The following SUGCT variants were observed in gnomAD, a reference collection of about 807,000 sequenced individuals.
The protein encoded by SUGCT is succinyl-CoA:glutarate-CoA transferase.
Under a neutral mutation model 55.0 loss-of-function variants are expected in SUGCT, and 41 were observed. That is an observed-to-expected ratio of 0.74 (90% CI 0.58 to 0.97). The LOEUF (loss-of-function observed/expected upper bound fraction) is 0.97, where lower values mean the gene tolerates loss of function less well. Among genes scored for constraint, SUGCT ranks in the 50% least tolerant of loss-of-function variants. SUGCT has a pLI of 0.00. For synonymous variants in SUGCT, 187 were observed against 200.4 expected, an observed-to-expected ratio of 0.93 and a Z score of 0.56; for missense variants, 568 against 547.8, an observed-to-expected ratio of 1.04 and a Z score of -0.37.
intron 12 of SUGCT, among the ~76,000 whole-genome samples, chr7:40,679,167 C>G (rs77591294): frequency 2.4e-4 from 37 of 152,244 alleles, no homozygotes; most frequent in Non-Finnish European, 4.6e-4. Context: ...GTATGTCTAC[C>G]CAGTTCACAT....
rs1178371302 is a variant in SUGCT at position 40,457,456 on chromosome 7, C to A, written c.889-1645C>A. Among the ~76,000 whole-genome samples, 6 of 151,830 alleles carry A rather than the reference C, an allele frequency of 4.0e-5. No individual in the cohort carries two copies. In the East Asian group the frequency reaches 9.7e-4, roughly 24 times the overall value. On this transcript the variant is annotated intron_variant, in intron 10 of 13. Coordinates refer to ENST00000335693, the MANE Select transcript of SUGCT (RefSeq NM_001193313.2). ...GAGACTGTCTCAAAAAAAAAAATAT[C>A]TTTTGGGGGAAACAGTACCTAGTTG...
chr7:40,597,023 T>C (rs1798043305), intron 12 of SUGCT, among the ~76,000 whole-genome samples: 1 of 152,222 alleles, frequency 6.6e-6, no homozygotes, highest in Non-Finnish European at 1.5e-5. Flanking sequence ...ATTTGATAAT[T>C]GAATGAAATC....
At chr7:40,241,251 T>A (rs1032895884) in intron 7 of SUGCT, among the ~76,000 whole-genome samples, 1 of 152,166 alleles carries the variant, frequency 6.6e-6, no homozygotes, top group Non-Finnish European at 1.5e-5. Context: ...GTTATAATAA[T>A]GTCATTTTTA....
chr7:40,384,354 C>T (rs1460491362), intron 9 of SUGCT, among the ~76,000 whole-genome samples: 6 of 152,042 alleles, frequency 3.9e-5, no homozygotes, highest in African/African-American at 9.7e-5. Flanking sequence ...TCATGCCCAG[C>T]GTGTAAGAAA....
chr7:40,385,997 TA>T (rs1489433698), intron 9 of SUGCT, among the ~76,000 whole-genome samples: 12 of 152,198 alleles, frequency 7.9e-5, no homozygotes, highest in Admixed American at 7.2e-4. Flanking sequence ...AATAAAGCTT[TA>T]AAAATGTAAT....
intron 12 of SUGCT, among the ~76,000 whole-genome samples, chr7:40,565,992 C>T (rs530968634): frequency 1.0e-4 from 9 of 86,676 alleles, no homozygotes; most frequent in Middle Eastern, 0.01. Flanking sequence ...CACACACACA[C>T]GCACACACAC....
At chr7:40,633,801 A>G (rs1190521286) in intron 12 of SUGCT, among the ~76,000 whole-genome samples, 1 of 152,254 alleles carries the variant, frequency 6.6e-6, no homozygotes, top group African/African-American at 2.4e-5. Flanking sequence ...GCATAAATAT[A>G]CATGCATATA....
chr7:40,480,950 G>C (rs1790997634), intron 11 of SUGCT, among the ~76,000 whole-genome samples: 1 of 152,094 alleles, frequency 6.6e-6, no homozygotes, highest in Non-Finnish European at 1.5e-5. Flanking sequence ...AATATGCAAT[G>C]AGCATATACT....
intron 12 of SUGCT, among the ~76,000 whole-genome samples, chr7:40,625,440 C>T (rs1006307943): frequency 2.6e-5 from 4 of 152,084 alleles, no homozygotes; most frequent in East Asian, 1.9e-4. Context: ...TGCATTATTA[C>T]GCCTTACCAA....
chr7:40,183,231 C>T (rs1756180666), intron 3 of SUGCT, among the ~76,000 whole-genome samples: 3 of 152,220 alleles, frequency 2.0e-5, no homozygotes, highest in Admixed American at 6.5e-5. Flanking sequence ...CGAGGTCGTG[C>T]CACTGCACTC....
At chr7:40,784,717 G>A (rs1317290209) in intron 13 of SUGCT, among the ~76,000 whole-genome samples, 1 of 152,104 alleles carries the variant, frequency 6.6e-6, no homozygotes, top group Admixed American at 6.6e-5. Context: ...GTAGATGCAG[G>A]TACTACCTGG....
chr7:40,238,201 T>G (rs367615710), intron 7 of SUGCT, among the ~76,000 whole-genome samples: 10 of 152,228 alleles, frequency 6.6e-5, no homozygotes, highest in African/African-American at 2.2e-4. Context: ...ATATAGGTAG[T>G]TATGTATTTG....
intron 13 of SUGCT, among the ~76,000 whole-genome samples, chr7:40,769,374 T>C (rs1268089358): frequency 1.3e-5 from 2 of 152,194 alleles, no homozygotes; most frequent in Non-Finnish European, 2.9e-5. Context: ...CCCTGGAACT[T>C]GTGAATGCTA....
At chr7:40,307,098 A>C (rs1794886108) in intron 8 of SUGCT, among the ~76,000 whole-genome samples, 1 of 152,222 alleles carries the variant, frequency 6.6e-6, no homozygotes, top group Non-Finnish European at 1.5e-5. Context: ...TATGAAGAGA[A>C]TAATTCCATT....
the SUGCT span, among the ~76,000 whole-genome samples, chr7:40,894,095 C>T: frequency 1.5e-4 from 23 of 150,192 alleles, no homozygotes; most frequent in Non-Finnish European, 3.0e-4. Context: ...GTTAAGTTTA[C>T]AGTAACCAAA....
At chr7:40,838,945 T>G (rs998485461) in intron 13 of SUGCT, among the ~76,000 whole-genome samples, 2 of 89,972 alleles carry the variant, frequency 2.2e-5, no homozygotes, top group East Asian at 9.3e-3. Context: ...TTGGTGAGAG[T>G]TTTTTTTTTT....
the SUGCT span, among the ~76,000 whole-genome samples, chr7:40,875,184 G>C: frequency 3.3e-5 from 5 of 152,292 alleles, no homozygotes; most frequent in South Asian, 2.1e-4. Flanking sequence ...TTTGTATTCT[G>C]CTTAGCACCT....
intron 12 of SUGCT, among the ~76,000 whole-genome samples, chr7:40,672,603 C>T (rs1801994695): frequency 6.6e-6 from 1 of 152,126 alleles, no homozygotes. Context: ...CAAAGGGCAA[C>T]ATGAAGGATC....
chr7:40,760,583 A>C (rs866555479), intron 13 of SUGCT, among the ~76,000 whole-genome samples: 17 of 152,320 alleles, frequency 1.1e-4, no homozygotes, highest in Middle Eastern at 3.4e-3. Flanking sequence ...AAAATGGTCA[A>C]AATGGTAAAT....
Sources: allele counts gnomAD v4.1 joint callset (sites outside exome capture counted in the v4.1 genomes callset), GRCh38; gene constraint gnomAD v4.1.1; transcripts MANE v1.5; gene names NCBI Gene and HGNC (gene_info 2026-07-23, HGNC 2026-07-21).